The following SORCS1 variants were observed in gnomAD, a reference collection of about 807,000 sequenced individuals.
SORCS1 encodes the protein sortilin related VPS10 domain containing receptor 1, also known as VPS10 domain-containing receptor SorCS1.
In SORCS1, 60 loss-of-function variants were observed where a neutral mutation model predicts 146.1. That is an observed-to-expected ratio of 0.41 (90% CI 0.33 to 0.51). The LOEUF (loss-of-function observed/expected upper bound fraction) is 0.51, where lower values mean the gene tolerates loss of function less well. Ranked by LOEUF, SORCS1 falls within the 20% of genes least tolerant of loss-of-function variation. The probability of loss-of-function intolerance (pLI) is 0.21; values close to 1 mark genes in which losing one functional copy is unlikely to be tolerated. For missense variants in SORCS1, 1,352 were observed against 1,487.6 expected (o/e 0.91, Z 1.50); for synonymous variants, 637 against 584.0 (o/e 1.09, Z -1.31).
intron 3 of SORCS1, among the ~76,000 whole-genome samples, chr10:106,777,741 C>T (rs2184796): frequency 0.34 from 51,338 of 152,018 alleles, 9,019 homozygotes; most frequent in Non-Finnish European, 0.39. Context: ...TATGCCTTCA[C>T]GAATGTGTGA....
At chr10:106,764,085 T>C (rs1263840328) in intron 4 of SORCS1, among the ~76,000 whole-genome samples, 3 of 152,200 alleles carry the variant, frequency 2.0e-5, no homozygotes, top group African/African-American at 7.2e-5. Flanking sequence ...TTTGCTTCCA[T>C]GGATTTATAA....
chr10:106,915,673 T>C (rs114847409), intron 2 of SORCS1, among the ~76,000 whole-genome samples: 78 of 152,302 alleles, frequency 5.1e-4, no homozygotes, highest in African/African-American at 1.8e-3. Flanking sequence ...TTGGGGAACA[T>C]AGTAGACTCA....
chr10:107,091,918 T>G (rs916185328), intron 1 of SORCS1, among the ~76,000 whole-genome samples: 1 of 152,224 alleles, frequency 6.6e-6, no homozygotes, highest in African/African-American at 2.4e-5. Flanking sequence ...CCTGTCTTTA[T>G]GTATGAATGA....
At chr10:106,664,966 T>G (rs1159386275) in intron 17 of SORCS1, among the ~76,000 whole-genome samples, 1 of 152,160 alleles carries the variant, frequency 6.6e-6, no homozygotes, top group Non-Finnish European at 1.5e-5. Context: ...AACCTTTTCA[T>G]TTTTTTCCTC....
chr10:106,598,520 G>A (rs1017485820), intron 23 of SORCS1, among the ~76,000 whole-genome samples: 9 of 151,784 alleles, frequency 5.9e-5, no homozygotes, highest in Admixed American at 3.3e-4. Context: ...TCAGCCTCCC[G>A]AAGTGCTAGG....
chr10:107,141,891 C>G (rs1291235840), intron 1 of SORCS1, among the ~76,000 whole-genome samples: 2 of 152,186 alleles, frequency 1.3e-5, no homozygotes, highest in African/African-American at 2.4e-5. Context: ...ATCAAAAACA[C>G]CAGCATTCAC....
chr10:106,803,459 C>T (rs2136673694), intron 3 of SORCS1, among the ~76,000 whole-genome samples: 1 of 152,234 alleles, frequency 6.6e-6, no homozygotes, highest in Non-Finnish European at 1.5e-5. Flanking sequence ...TGATGTCTAG[C>T]ACTAGTTTTC....
Position 106,827,330 on chromosome 10 carries a change from G to A in SORCS1, c.726+2244C>T, listed in dbSNP as rs76288966. On this transcript the variant is annotated intron_variant, in intron 3 of 25. Coordinates refer to ENST00000263054, the MANE Select transcript of SORCS1 (RefSeq NM_052918.5). ...ATTTTCCTATATTAGTTTACAAATG[G>A]AGAAAATGTAAATGATTCACCCAGA... 4.0e-3 allele frequency among the ~76,000 whole-genome samples: 605 copies of A among 151,924 alleles called. 13 individuals carry two copies. The East Asian group carries it at 0.059, about 15-fold the overall frequency.
intron 1 of SORCS1, among the ~76,000 whole-genome samples, chr10:107,128,377 T>A (rs902143601): frequency 2.6e-5 from 4 of 152,074 alleles, no homozygotes; most frequent in Middle Eastern, 3.2e-3. Flanking sequence ...ATCTCAAGAG[T>A]GACCTTTCAC....
chr10:107,145,271 C>T (rs568169726), intron 1 of SORCS1, among the ~76,000 whole-genome samples: 136 of 152,170 alleles, frequency 8.9e-4, no homozygotes, highest in African/African-American at 3.0e-3. Context: ...CTAGAAAAAG[C>T]GAATGTGACT....
chr10:106,743,237 T>G (rs1857482979), intron 5 of SORCS1, among the ~76,000 whole-genome samples: 1 of 151,574 alleles, frequency 6.6e-6, no homozygotes, highest in African/African-American at 2.4e-5. Context: ...GAAGGGCAAA[T>G]GAAGGCATTG....
chr10:106,683,670 C>A (rs1852606805), intron 10 of SORCS1, among the ~76,000 whole-genome samples: 1 of 152,206 alleles, frequency 6.6e-6, no homozygotes, highest in African/African-American at 2.4e-5. Context: ...TAGATGCTAT[C>A]TTCATGGTAC....
intron 19 of SORCS1, among the ~76,000 whole-genome samples, chr10:106,625,244 GT>G (rs1158555508): frequency 7.4e-6 from 1 of 135,006 alleles, no homozygotes; most frequent in African/African-American, 3.1e-5. Context: ...GTGTGTGTGT[GT>G]GTACACTGGC....
At chr10:107,014,253 CAAAAAAAAA>C (rs562179526) in intron 1 of SORCS1, among the ~76,000 whole-genome samples, 8 of 79,360 alleles carry the variant, frequency 1.0e-4, no homozygotes, top group African/African-American at 5.0e-4. Context: ...GACCCTGCGT[CAAAAAAAAA>C]AAAAAAAAAA....
chr10:107,051,279 C>A (rs1050579926), intron 1 of SORCS1, among the ~76,000 whole-genome samples: 1 of 152,090 alleles, frequency 6.6e-6, no homozygotes, highest in Admixed American at 6.6e-5. Context: ...TGATGTAATA[C>A]TTCAGATCTT....
intron 1 of SORCS1, among the ~76,000 whole-genome samples, chr10:107,076,364 C>CT (rs1393641851): frequency 6.6e-6 from 1 of 151,998 alleles, no homozygotes; most frequent in East Asian, 1.9e-4. Flanking sequence ...ACATGTTTGA[C>CT]TTTGGAAGCT....
intron 9 of SORCS1, among the ~76,000 whole-genome samples, chr10:106,694,679 G>A (rs1589679502): frequency 6.6e-6 from 1 of 152,272 alleles, no homozygotes; most frequent in East Asian, 1.9e-4. Context: ...TATCATAACC[G>A]TTGAGTTTTC....
At chr10:106,759,942 A>G (rs1215896618) in intron 5 of SORCS1, among the ~76,000 whole-genome samples, 1 of 152,176 alleles carries the variant, frequency 6.6e-6, no homozygotes, top group Non-Finnish European at 1.5e-5. Flanking sequence ...AAGGCATAGA[A>G]CAGTGTGCAC....
At chr10:106,714,002 C>A (rs12262705) in intron 6 of SORCS1, among the ~76,000 whole-genome samples, 1 of 151,652 alleles carries the variant, frequency 6.6e-6, no homozygotes, top group African/African-American at 2.4e-5. Context: ...CATGGTGGCA[C>A]GTGCCTGTAA....
Sources: gnomAD v4.1 joint callset for allele counts (sites outside exome capture counted in the v4.1 genomes callset) on GRCh38, gnomAD v4.1.1 for gene constraint, MANE v1.5 for transcripts, NCBI Gene and HGNC (gene_info 2026-07-23, HGNC 2026-07-21) for gene names.